The following SKAP2 variants were observed in gnomAD, a reference collection of about 807,000 sequenced individuals.
The protein encoded by SKAP2 is src kinase-associated phosphoprotein 2.
Under a neutral mutation model 54.9 loss-of-function variants are expected in SKAP2, and 28 were observed. That is an observed-to-expected ratio of 0.51 (90% CI 0.38 to 0.70). The LOEUF (loss-of-function observed/expected upper bound fraction) is 0.70, where lower values mean the gene tolerates loss of function less well. Ranked by LOEUF, SKAP2 falls within the 30% of genes least tolerant of loss-of-function variation. The pLI is 0.00. For synonymous variants in SKAP2, 137 were observed against 134.3 expected (o/e 1.02, Z -0.14); for missense variants, 356 against 424.1 (o/e 0.84, Z 1.41).
chr7:26,856,290 T>C (rs921862844), intron 1 of SKAP2, among the ~76,000 whole-genome samples: 2 of 152,152 alleles, frequency 1.3e-5, no homozygotes, highest in African/African-American at 4.8e-5. Flanking sequence ...AGCTTCTCTT[T>C]CCTTGAGTTA....
chr7:26,668,052 TTC>T lies in SKAP2; in HGVS notation c.*1612_*1613del, dbSNP rs1400299093. The T allele has an allele frequency of 6.7e-6, 1 of 150,110 alleles. No homozygotes were observed. Among genetic ancestry groups the T allele is most frequent in the Non-Finnish European group, 1.5e-5 (1 of 67,122 alleles). The allele number at this position is 150,110 out of a possible 1,614,324, so 9.3% of individuals were successfully genotyped here. ...TTACTCACAATCCCTAAAATCAAAT[TTC>T]TTTTTTTTTTTCACATTTGAGATTG... On this transcript the variant is annotated 3_prime_UTR_variant, in exon 13 of 13. Transcript: ENST00000345317.
intron 4 of SKAP2, among the ~76,000 whole-genome samples, chr7:26,814,386 C>T (rs1441860837): frequency 2.0e-5 from 3 of 152,024 alleles, no homozygotes; most frequent in East Asian, 1.9e-4. Context: ...TTTACTGCTC[C>T]TCTTCTTTAC....
intron 4 of SKAP2, among the ~76,000 whole-genome samples, chr7:26,740,604 T>C (rs146648814): frequency 1.2e-3 from 181 of 152,292 alleles, no homozygotes; most frequent in Admixed American, 3.5e-3. Flanking sequence ...AAAAGTTAAG[T>C]TGATTAGAAA....
intron 9 of SKAP2, among the ~76,000 whole-genome samples, chr7:26,703,225 C>A (rs1787082972): frequency 6.6e-6 from 1 of 152,078 alleles, no homozygotes; most frequent in Non-Finnish European, 1.5e-5. Flanking sequence ...CTAACAATAC[C>A]TGATGAGCTT....
intron 9 of SKAP2, among the ~76,000 whole-genome samples, chr7:26,696,516 A>G (rs565962747): frequency 1.3e-5 from 2 of 152,292 alleles, no homozygotes; most frequent in South Asian, 2.1e-4. Context: ...TTCTCAGGGG[A>G]AAAAATGAAA....
At chr7:26,798,920 C>G (rs371933386) in intron 4 of SKAP2, among the ~76,000 whole-genome samples, 1 of 151,470 alleles carries the variant, frequency 6.6e-6, no homozygotes, top group African/African-American at 2.4e-5. Flanking sequence ...ACAACGGACA[C>G]ACAAGACATA....
chr7:26,782,276 C>T (rs1783444234), intron 4 of SKAP2, among the ~76,000 whole-genome samples: 1 of 152,042 alleles, frequency 6.6e-6, no homozygotes, highest in South Asian at 2.1e-4. Context: ...AGTGATAAAC[C>T]TCAATTAGCC....
rs747419394 is a variant in SKAP2 at position 26,725,489 on chromosome 7, T to C, written c.735A>G (p.Pro245=). ...ELYDDVDHPL[P]ISNPLTSSQP... Reference sequence around the variant, plus strand: ...GACTGCTTGTTAGTGGATTGCTTATTGGTAGAGGATGATCAACATCATCAT... The same window carrying C: ...GACTGCTTGTTAGTGGATTGCTTATCGGTAGAGGATGATCAACATCATCAT... The change falls in exon 9 of 13, where the codon CCA becomes CCG. Residue 245 remains proline (P), a synonymous_variant. Coordinates refer to ENST00000345317, the MANE Select transcript of SKAP2 (RefSeq NM_003930.5). 67 of 1,612,222 alleles carry C rather than the reference T, an allele frequency of 4.2e-5. No individual in the cohort carries two copies. The highest frequency in any genetic ancestry group is 5.3e-5 in the Non-Finnish European group (63 of 1,179,458).
chr7:26,745,306 G>A (rs78593992), intron 4 of SKAP2, among the ~76,000 whole-genome samples: 7,625 of 152,248 alleles, frequency 0.05, 653 homozygotes, highest in African/African-American at 0.17. Context: ...AATATTCTGT[G>A]TCACCACATG....
chr7:26,788,435 A>G (rs1212840965), intron 4 of SKAP2, among the ~76,000 whole-genome samples: 1 of 152,164 alleles, frequency 6.6e-6, no homozygotes, highest in Non-Finnish European at 1.5e-5. Flanking sequence ...AAGGAAAAAA[A>G]AAACTAGTAT....
the SKAP2 span, among the ~76,000 whole-genome samples, chr7:26,656,615 A>G: frequency 6.6e-6 from 1 of 152,218 alleles, no homozygotes; most frequent in Non-Finnish European, 1.5e-5. Context: ...CAAAAATATT[A>G]TACAAACCCC....
At chr7:26,795,868 T>G (rs1178074911) in intron 4 of SKAP2, among the ~76,000 whole-genome samples, 1 of 152,192 alleles carries the variant, frequency 6.6e-6, no homozygotes, top group Non-Finnish European at 1.5e-5. Context: ...CAAATAGCAG[T>G]GCATCAATTA....
intron 4 of SKAP2, among the ~76,000 whole-genome samples, chr7:26,815,107 C>T (rs1784239573): frequency 6.8e-6 from 1 of 146,764 alleles, no homozygotes; most frequent in Non-Finnish European, 1.5e-5. Flanking sequence ...TACAAATGGT[C>T]TTTTTTTTTT....
chr7:26,719,267 A>C (rs1279844013), intron 9 of SKAP2, among the ~76,000 whole-genome samples: 1 of 152,202 alleles, frequency 6.6e-6, no homozygotes, highest in Non-Finnish European at 1.5e-5. Flanking sequence ...CTTGTTGTGA[A>C]GTACATTAAA....
At position 26,720,799 on chromosome 7, in the gene SKAP2, AC is replaced by A. The variant is rs563070909; in HGVS notation, c.796+4628del. ...TGAGAACTCACTCACTATCACGAGA[AC>A]TGGATAGGGGACACTGCCCCCATCA... is the stretch of plus-strand genomic sequence containing the variant. On this transcript the variant is annotated intron_variant, in intron 9 of 12. Transcript: ENST00000345317. Among the ~76,000 whole-genome samples the A allele has an allele frequency of 1.4e-4, 21 of 152,268 alleles. No homozygotes were observed. The South Asian group carries it at 3.7e-3, about 27-fold the overall frequency.
intron 4 of SKAP2, among the ~76,000 whole-genome samples, chr7:26,755,004 T>A (rs1782759897): frequency 6.6e-6 from 1 of 152,230 alleles, no homozygotes; most frequent in Admixed American, 6.5e-5. Flanking sequence ...TATGGTAAGA[T>A]CTTATAATAA....
rs1244072272 is a variant in SKAP2, at chr7:26,739,880, A to C, written c.385+7T>G. 1 of 1,593,128 alleles carries C rather than the reference A, an allele frequency of 6.3e-7. No individual in the cohort carries two copies. Among genetic ancestry groups the C allele is most frequent in the South Asian group, 1.1e-5 (1 of 90,152 alleles). ...TTTTACATTTTTCATTAGAACCTTC[A>C]GTTTACCTTTTCTGCGTTTTTCAAG... On this transcript the variant is annotated splice_region_variant and intron_variant, in intron 5 of 12. Transcript: ENST00000345317.
chr7:26,842,363 T>A (rs1395568478), intron 4 of SKAP2, among the ~76,000 whole-genome samples: 1 of 151,606 alleles, frequency 6.6e-6, no homozygotes, highest in African/African-American at 2.4e-5. Flanking sequence ...TAAAAATATA[T>A]GATAAATTAT....
intron 4 of SKAP2, among the ~76,000 whole-genome samples, chr7:26,835,248 TG>T (rs2127993486): frequency 6.6e-6 from 1 of 152,294 alleles, no homozygotes; most frequent in Admixed American, 6.5e-5. Context: ...TCATACTGAA[TG>T]GGCAAAAGCT....
Sources: allele counts gnomAD v4.1 joint callset (sites outside exome capture counted in the v4.1 genomes callset), GRCh38; gene constraint gnomAD v4.1.1; transcripts MANE v1.5; gene names NCBI Gene and HGNC (gene_info 2026-07-23, HGNC 2026-07-21).